The following OR1B1 variants were observed in gnomAD, a reference collection of about 807,000 sequenced individuals.
OR1B1 encodes olfactory receptor family 1 subfamily B member 1, also known as olfactory receptor 1B1.
For synonymous variants in OR1B1, 168 were observed against 156.2 expected (o/e 1.08, Z -0.57); for missense variants, 414 against 402.1 (o/e 1.03, Z -0.25).
the OR1B1 span, among the ~76,000 whole-genome samples, chr9:122,645,145 G>C: frequency 6.6e-6 from 1 of 152,130 alleles, no homozygotes; most frequent in South Asian, 2.1e-4. Flanking sequence ...CAATCCACAT[G>C]CTGAAGAATG....
the OR1B1 span, among the ~76,000 whole-genome samples, chr9:122,655,332 T>C: frequency 6.6e-6 from 1 of 152,184 alleles, no homozygotes; most frequent in African/African-American, 2.4e-5. Flanking sequence ...AGACTGTTCC[T>C]GACCAAAGCC....
chr9:122,628,649 T>C (rs1830165321), exon 1 of OR1B1: 3 of 1,614,110 alleles, frequency 1.9e-6, no homozygotes, highest in Non-Finnish European at 2.5e-6. Flanking sequence ...GTGGAGGCTA[T>C]ACACAAATGG....
At chr9:122,645,724 AG>A in the OR1B1 span, among the ~76,000 whole-genome samples, 2 of 152,166 alleles carry the variant, frequency 1.3e-5, no homozygotes, top group Admixed American at 6.5e-5. Flanking sequence ...GGAGAAATAA[AG>A]ATATTCCCAG....
At chr9:122,656,406 C>G in the OR1B1 span, among the ~76,000 whole-genome samples, 1,174 of 152,134 alleles carry the variant, frequency 7.7e-3, 14 homozygotes, top group African/African-American at 0.027. Context: ...GGTATCTTTT[C>G]TCATGAACCC....
At chr9:122,647,544 A>T in the OR1B1 span, among the ~76,000 whole-genome samples, 1 of 152,204 alleles carries the variant, frequency 6.6e-6, no homozygotes, top group Admixed American at 6.6e-5. Context: ...GAAAAAAAAT[A>T]ATAAAGATAA....
chr9:122,632,000 C>T (rs1830208480), upstream of OR1B1, among the ~76,000 whole-genome samples: 1 of 152,036 alleles, frequency 6.6e-6, no homozygotes, highest in African/African-American at 2.4e-5. Context: ...TAAAAATTAT[C>T]TTCATACAGG....
chr9:122,656,892 A>G, the OR1B1 span, among the ~76,000 whole-genome samples: 1 of 152,216 alleles, frequency 6.6e-6, no homozygotes, highest in Non-Finnish European at 1.5e-5. Context: ...AGCTATAAGC[A>G]TTGGCACTAC....
exon 1 of OR1B1, chr9:122,629,257 G>T (rs747216365): frequency 2.3e-5 from 37 of 1,614,006 alleles, no homozygotes; most frequent in Non-Finnish European, 2.9e-5. Flanking sequence ...CAGCAGGAAT[G>T]GTTGGGTAAT....
At chr9:122,645,910 T>C in the OR1B1 span, among the ~76,000 whole-genome samples, 1 of 152,136 alleles carries the variant, frequency 6.6e-6, no homozygotes, top group Non-Finnish European at 1.5e-5. Context: ...AGTATAACAC[T>C]ATAATTGTGG....
upstream of OR1B1, among the ~76,000 whole-genome samples, chr9:122,631,424 A>T (rs1195259528): frequency 1.3e-5 from 2 of 151,932 alleles, no homozygotes; most frequent in Non-Finnish European, 2.9e-5. Context: ...TGATCCGCCC[A>T]CCTCGGCCTC....
chr9:122,634,760 G>T, the OR1B1 span, among the ~76,000 whole-genome samples: 1 of 152,076 alleles, frequency 6.6e-6, no homozygotes, highest in African/African-American at 2.4e-5. Flanking sequence ...AATGGCCATA[G>T]GTATATGAAA....
chr9:122,654,886 G>C, the OR1B1 span, among the ~76,000 whole-genome samples: 3 of 152,188 alleles, frequency 2.0e-5, no homozygotes, highest in Non-Finnish European at 4.4e-5. Flanking sequence ...GCACAGAATG[G>C]TGACTATAAT....
chr9:122,629,099 A>G (rs2118806104), exon 1 of OR1B1: 1 of 1,614,118 alleles, frequency 6.2e-7, no homozygotes, highest in Non-Finnish European at 8.5e-7. Flanking sequence ...CAAGGCTAGT[A>G]AGCAGGCACA....
At chr9:122,648,056 T>A in the OR1B1 span, among the ~76,000 whole-genome samples, 3 of 152,120 alleles carry the variant, frequency 2.0e-5, no homozygotes, top group Admixed American at 6.5e-5. Flanking sequence ...CTATTATTCC[T>A]TAAAAAAAAT....
the OR1B1 span, among the ~76,000 whole-genome samples, chr9:122,643,433 G>A: frequency 6.6e-6 from 1 of 152,222 alleles, no homozygotes; most frequent in Non-Finnish European, 1.5e-5. Flanking sequence ...ACTCGCTGGA[G>A]GGGAATCACT....
chr9:122,651,024 CAAA>C, the OR1B1 span, among the ~76,000 whole-genome samples: 2 of 130,158 alleles, frequency 1.5e-5, no homozygotes, highest in African/African-American at 5.6e-5. Flanking sequence ...GACGCCGTCT[CAAA>C]AAAAAAAAAT....
the OR1B1 span, among the ~76,000 whole-genome samples, chr9:122,655,206 A>C: frequency 5.0e-4 from 76 of 152,320 alleles, no homozygotes; most frequent in African/African-American, 1.7e-3. Flanking sequence ...ATGTGTGATG[A>C]GGGGTCAAAG....
Position 122,629,462 on chromosome 9 carries a change from G to C in OR1B1, c.74C>G (p.Ser25Cys), listed in dbSNP as rs757251330. ...GAACAGGAAGAAGAGGAGAGTGTAGGAGATGTTAGCTCTCGAGAACCCAAG... is the reference window on the plus strand; with the variant it reads ...GAACAGGAAGAAGAGGAGAGTGTAGCAGATGTTAGCTCTCGAGAACCCAAG... The change falls in exon 1 of 1, where the codon TCC (serine) becomes TGC (cysteine). Residue 25 changes from serine (S) to cysteine (C), a missense_variant. Coordinates refer to ENST00000623530, the Ensembl canonical transcript of OR1B1. 1.9e-6 allele frequency: 3 copies of C among 1,612,084 alleles called. No individual in the cohort carries two copies. In the African/African-American group the frequency reaches 4.0e-5, roughly 22 times the overall value.
At chr9:122,629,940 T>A (rs1830189565), upstream of OR1B1, among the ~76,000 whole-genome samples, 1 of 152,202 alleles carries the variant, frequency 6.6e-6, no homozygotes, top group Non-Finnish European at 1.5e-5. Flanking sequence ...CTCACCCAAC[T>A]GCAATCCTCA....
Sources: allele counts gnomAD v4.1 joint callset (sites outside exome capture counted in the v4.1 genomes callset), GRCh38; gene constraint gnomAD v4.1.1; transcripts MANE v1.5; gene names NCBI Gene and HGNC (gene_info 2026-07-23, HGNC 2026-07-21).